The following MAP4K1 variants were observed in gnomAD, a reference collection of about 807,000 sequenced individuals.
The protein encoded by MAP4K1 is MAPK/ERK kinase kinase kinase 1.
A neutral mutation model predicts 122.8 loss-of-function variants in MAP4K1; 35 were observed. The ratio of observed to expected loss-of-function variants is 0.29; its 90% CI spans 0.22 to 0.38. The LOEUF is 0.38. MAP4K1 is among the 10% of genes least tolerant of loss of function. MAP4K1 has a pLI of 1.00. For missense variants in MAP4K1, 791 were observed against 1,072.6 expected (o/e 0.74, Z 3.67); for synonymous variants, 412 against 421.3 (o/e 0.98, Z 0.27).
At chr19:38,596,779 T>A (rs1974900664) in intron 25 of MAP4K1, among the ~76,000 whole-genome samples, 1 of 152,010 alleles carries the variant, frequency 6.6e-6, no homozygotes. Flanking sequence ...TGGGCTCTAC[T>A]AGGACACCCA....
intron 16 of MAP4K1, 80 bp from the exon 17 acceptor site, chr19:38,606,295 G>C (rs923660139): frequency 2.9e-6 from 2 of 686,556 alleles, no homozygotes; most frequent in African/African-American, 3.6e-5. Flanking sequence ...CTGGGCTGGA[G>C]GCCCGGGACT....
chr19:38,589,643 G>A (rs576483083), intron 30 of MAP4K1, among the ~76,000 whole-genome samples: 142 of 152,112 alleles, frequency 9.3e-4, no homozygotes, highest in Non-Finnish European at 1.3e-3. Flanking sequence ...TCAAACTCCC[G>A]ACCTCAGGTG....
intron 20 of MAP4K1, 113 bp downstream of exon 20, chr19:38,601,328 C>A (rs747848992): frequency 8.7e-6 from 8 of 922,114 alleles, no homozygotes; most frequent in Non-Finnish European, 1.3e-5. Flanking sequence ...CACACCCCAA[C>A]TCCATTAAGC....
chr19:38,590,965 TCACACA>T (rs58402161), intron 30 of MAP4K1, among the ~76,000 whole-genome samples: 4,174 of 137,376 alleles, frequency 0.03, 105 homozygotes, highest in Admixed American at 0.075. Flanking sequence ...CATTAAAAAA[TCACACA>T]CACACACACA....
intron 20 of MAP4K1, 87 bp from the exon 21 acceptor site, chr19:38,600,240 T>A: frequency 2.9e-6 from 3 of 1,042,468 alleles, no homozygotes; most frequent in Non-Finnish European, 3.0e-6. Flanking sequence ...ACACTGACAC[T>A]CTGTCCCCAG....
At chr19:38,610,991 G>T in intron 11 of MAP4K1, 60 bp downstream of exon 11, 3 of 1,416,244 alleles carry the variant, frequency 2.1e-6, no homozygotes, top group East Asian at 2.4e-5. Flanking sequence ...CCATGTCCTC[G>T]GGAGTTGTGG....
At position 38,597,419 on chromosome 19, in the gene MAP4K1, A is replaced by T. The variant is rs749259354; in HGVS notation, c.1779-35T>A. 14 of 1,613,246 alleles carry T rather than the reference A, an allele frequency of 8.7e-6. No individual in the cohort carries two copies. The African/African-American group carries it at 1.5e-4, about 17-fold the overall frequency. The stretch of plus-strand genomic sequence containing the variant: ...AGGTAGGTGTGAAGGGGGGTAGGAC[A>T]GCAGGAGGCAGAGGGGCATGGGAGG... On this transcript the variant is annotated intron_variant, in intron 23 of 30. Coordinates refer to ENST00000396857, the MANE Select transcript of MAP4K1 (RefSeq NM_001042600.3). This position sits in a 1 kb window ranked among gnomAD's most constrained non-coding sequence, Gnocchi z 4.6.
intron 4 of MAP4K1, 166 bp downstream of exon 4, chr19:38,616,029 C>G (rs889795835): frequency 2.2e-6 from 1 of 455,178 alleles, no homozygotes; most frequent in Non-Finnish European, 3.8e-6. Flanking sequence ...TTCAGCACTT[C>G]GACAGCTGAA....
At chr19:38,598,969 C>G (rs1345735256) in intron 22 of MAP4K1, among the ~76,000 whole-genome samples, 1 of 144,004 alleles carries the variant, frequency 6.9e-6, no homozygotes, top group Non-Finnish European at 1.5e-5. Context: ...GCCGAGACTG[C>G]GCCACTGCAC....
intron 11 of MAP4K1, among the ~76,000 whole-genome samples, chr19:38,610,254 G>A (rs556603203): frequency 2.6e-5 from 4 of 152,180 alleles, no homozygotes; most frequent in African/African-American, 9.6e-5. Flanking sequence ...CACCCAGGCT[G>A]GAGTGCAGTG....
At chr19:38,593,501 G>A (rs555194923) in intron 29 of MAP4K1, 164 bp from the exon 30 acceptor site, 6 of 480,436 alleles carry the variant, frequency 1.2e-5, no homozygotes, top group South Asian at 4.7e-5. Flanking sequence ...TCAGGAGTTC[G>A]AGACCAGCCT....
intron 16 of MAP4K1, 88 bp downstream of exon 16, chr19:38,607,776 A>G (rs1478590684): frequency 8.5e-6 from 12 of 1,403,964 alleles, no homozygotes; most frequent in African/African-American, 4.3e-5. Context: ...CAGCGGGGTC[A>G]GGAGTGGAGG....
intron 19 of MAP4K1, 57 bp downstream of exon 19, chr19:38,605,352 A>AC: frequency 5.9e-6 from 4 of 677,548 alleles, no homozygotes; most frequent in Non-Finnish European, 7.5e-6. Flanking sequence ...TCCCCACCCC[A>AC]CCAGGCATCC....
At position 38,596,274 on chromosome 19, in the gene MAP4K1, G is replaced by C. The variant is rs1472388710; in HGVS notation, c.2116+38C>G. 5 of 1,507,864 alleles carry C rather than the reference G, an allele frequency of 3.3e-6. No homozygotes were observed. In the African/African-American group the frequency reaches 5.5e-5, roughly 17 times the overall value. 93.4% of individuals were successfully genotyped at this position (1,507,864 alleles called of 1,614,324 possible). On this transcript the variant is annotated intron_variant, in intron 26 of 30. Transcript: ENST00000396857. The stretch of plus-strand genomic sequence containing the variant: ...CCTCCAGCTCCGCCCCTCCGGATCT[G>C]ATAAGCCCCGCCCTCAGCAAGACTC...
At chr19:38,610,988 C>T in intron 11 of MAP4K1, 63 bp downstream of exon 11, 1 of 1,405,184 alleles carries the variant, frequency 7.1e-7, no homozygotes, top group East Asian at 2.4e-5. Flanking sequence ...TATCCATGTC[C>T]TCGGGAGTTG....
In MAP4K1 at chr19:38,590,397, ATATATATATATATATAT is replaced by A. The variant is rs1974688463; in HGVS notation, c.2397-2597_2397-2581del. ...AGAAAAAAAAAAAAAAAAAAAAAAT[ATATATATATATATATAT>A]ATATATATATATATATATATATAAT... On this transcript the variant is annotated intron_variant, in intron 30 of 30. Coordinates refer to ENST00000396857, the MANE Select transcript of MAP4K1 (RefSeq NM_001042600.3). Among the ~76,000 whole-genome samples, 6 of 29,754 alleles carry A rather than the reference ATATATATATATATATAT, an allele frequency of 2.0e-4. 1 individual carries two copies. The highest frequency in any genetic ancestry group is 1.1e-3 in the African/African-American group (6 of 5,288). The allele number at this position is 29,754 out of a possible 152,430, so 19.5% of individuals were successfully genotyped here.
At chr19:38,595,611 A>T in intron 28 of MAP4K1, 29 bp downstream of exon 28, 6 of 1,614,006 alleles carry the variant, frequency 3.7e-6, no homozygotes, top group Non-Finnish European at 5.1e-6. Context: ...TCCACCCCTG[A>T]TCCTGGGCTC....
At chr19:38,593,673 C>CA (rs1330133423) in intron 29 of MAP4K1, among the ~76,000 whole-genome samples, 7 of 152,160 alleles carry the variant, frequency 4.6e-5, no homozygotes, top group Middle Eastern at 3.2e-3. Context: ...CTGGGCGTGC[C>CA]ACTGGAGCCG....
chr19:38,612,770 G>A (rs374344784), intron 8 of MAP4K1, 28 bp from the exon 9 acceptor site: 3 of 1,609,950 alleles, frequency 1.9e-6, no homozygotes, highest in Non-Finnish European at 2.5e-6. Flanking sequence ...CAGAGAGCCA[G>A]AGGTGGCATG....
Sources: allele counts gnomAD v4.1 joint callset (sites outside exome capture counted in the v4.1 genomes callset), GRCh38; gene constraint gnomAD v4.1.1; non-coding constraint Gnocchi (gnomAD v3.1); transcripts MANE v1.5; gene names NCBI Gene and HGNC (gene_info 2026-07-23, HGNC 2026-07-21).